C1QTNF5: variants seen among roughly 807,000 people sequenced by gnomAD.
The protein encoded by C1QTNF5 is complement C1q tumor necrosis factor-related protein 5.
In C1QTNF5, 5 loss-of-function variants were observed where a neutral mutation model predicts 10.9. The ratio of observed to expected loss-of-function variants is 0.46; its 90% confidence interval spans 0.24 to 0.97. The LOEUF (loss-of-function observed/expected upper bound fraction) is 0.97. Ranked by LOEUF, C1QTNF5 falls within the 50% of genes least tolerant of loss-of-function variation. C1QTNF5 has a pLI of 0.19. For synonymous variants in C1QTNF5, 161 were observed against 156.5 expected (o/e 1.03, Z -0.22); for missense variants, 281 against 339.4 (o/e 0.83, Z 1.35).
At chr11:119,346,039 T>C in the C1QTNF5 span, 1 of 1,611,174 alleles carries the variant, frequency 6.2e-7, no homozygotes, top group Non-Finnish European at 8.5e-7. Flanking sequence ...TGTCCCCGGG[T>C]ACTTACGGGC....
chr11:119,339,979 ACC>A lies in C1QTNF5; in HGVS notation c.215-133_215-132del. The A allele has an allele frequency of 7.7e-7, 1 of 1,307,130 alleles. No homozygotes were observed. The highest frequency in any genetic ancestry group is 1.0e-6 in the Non-Finnish European group (1 of 996,274). The allele number at this position is 1,307,130 out of a possible 1,614,324, so 81.0% of individuals were successfully genotyped here. A position where few individuals can be genotyped will look rare whatever the true frequency, so the allele number is the denominator to read the frequency against. ...GGCCAGCGCCTCCTCCCGCACGGGT[ACC>A]TCCTCCACCCCTTCCCGCAGGGCAG... is the stretch of plus-strand genomic sequence containing the variant. On this transcript the variant is annotated intron_variant, in intron 2 of 2. Coordinates refer to ENST00000528368, the MANE Select transcript of C1QTNF5 (RefSeq NM_001278431.2). The surrounding 1 kb of genome is among the most constrained non-coding windows in gnomAD (Gnocchi z 5.4).
rs902891544 is a variant in C1QTNF5, at chr11:119,340,694, C to A, written c.-44+1G>T. ...CCTTTCCCCTCCTCCGCCAGACTCA[C>A]CCCCCCTCCCGGCTCCCCGATGGCC... On this transcript the variant is annotated splice_donor_variant, in intron 1 of 2. Transcript: ENST00000528368. LOFTEE classifies it low-confidence loss of function (5UTR_SPLICE). 2.1e-5 allele frequency: 9 copies of A among 429,064 alleles called. 1 individual carries two copies. Among genetic ancestry groups the A allele is most frequent in the South Asian group, 5.5e-5 (2 of 36,528 alleles). 26.6% of individuals were successfully genotyped at this position (429,064 alleles called of 1,614,324 possible).
At chr11:119,346,061 C>T in the C1QTNF5 span, 1 of 1,610,292 alleles carries the variant, frequency 6.2e-7, no homozygotes, top group Non-Finnish European at 8.5e-7. Context: ...AGGATGATGG[C>T]CACCAGCAGC....
In C1QTNF5 at chr11:119,339,277, A is replaced by G; in HGVS notation, c.*54T>C. 6.4e-7 allele frequency: 1 copy of G among 1,571,800 alleles called. No homozygotes were observed. Among genetic ancestry groups the G allele is most frequent in the Non-Finnish European group, 8.6e-7 (1 of 1,156,472 alleles). ...AGCCCTCCTGGATGACCTGGTTGTC[A>G]GCCTCACACCCTCCTTCTAGGAGTG... On this transcript the variant is annotated 3_prime_UTR_variant, in exon 3 of 3. Coordinates refer to ENST00000528368, the MANE Select transcript of C1QTNF5 (RefSeq NM_001278431.2). The surrounding 1 kb of genome is among the most constrained non-coding windows in gnomAD (Gnocchi z 5.4).
At chr11:119,345,050 T>C (rs1195494775), upstream of C1QTNF5, 3 of 1,583,882 alleles carry the variant, frequency 1.9e-6, no homozygotes, top group Non-Finnish European at 2.6e-6. Flanking sequence ...AAGAGCAGGG[T>C]CAGCCAGAGA....
At chr11:119,346,052 G>A in the C1QTNF5 span, 3 of 1,610,954 alleles carry the variant, frequency 1.9e-6, no homozygotes, top group East Asian at 6.7e-5. Context: ...TTACGGGCCA[G>A]GATGATGGCC....
upstream of C1QTNF5, chr11:119,341,519 C>T: frequency 6.3e-7 from 1 of 1,585,428 alleles, no homozygotes. Context: ...AGAGGACGGG[C>T]AGGAAGAGGG....
chr11:119,344,455 C>T (rs10790289), upstream of C1QTNF5: 795,959 of 1,552,414 alleles, frequency 0.51, 206,370 homozygotes, highest in Admixed American at 0.7. Context: ...ATAGGGCTGG[C>T]GGTGATTACA....
chr11:119,346,230 G>T, the C1QTNF5 span: 2 of 1,572,906 alleles, frequency 1.3e-6, no homozygotes, highest in Non-Finnish European at 1.7e-6. Flanking sequence ...TTGGCTCCTG[G>T]GCCTCTCTGT....
upstream of C1QTNF5, chr11:119,343,818 G>A: frequency 6.2e-7 from 1 of 1,613,864 alleles, no homozygotes; most frequent in Non-Finnish European, 8.5e-7. Context: ...TCCTGTACCT[G>A]CCCAGGAGGC....
chr11:119,340,642 G>C, intron 1 of C1QTNF5, 53 bp downstream of exon 1: 1 of 544,152 alleles, frequency 1.8e-6, no homozygotes, highest in Non-Finnish European at 3.2e-6. Context: ...GCCCGCGCCA[G>C]CCTTTCCCAC....
At chr11:119,345,758 G>A, upstream of C1QTNF5, 1 of 1,613,348 alleles carries the variant, frequency 6.2e-7, no homozygotes. Flanking sequence ...CGGAAGATCT[G>A]CCCCCAGTAC....
rs1565290644 is a variant in C1QTNF5 at position 119,339,457 on chromosome 11, C to T, written c.606G>A (p.Glu202=). The part of the protein sequence containing the change: ...SGGAMVRLEP[E]DQVWVQVGVG... The stretch of plus-strand genomic sequence containing the variant: ...CACCCACCTGCACCCACACTTGGTC[C>T]TCAGGCTCCAGCCTCACCATGGCCC... Residue 202 remains glutamate (E), a synonymous_variant, in exon 3 of 3, where the codon GAG becomes GAA. Transcript: ENST00000528368. This position sits in a 1 kb window ranked among gnomAD's most constrained non-coding sequence, Gnocchi z 5.4. 1 of 1,614,118 alleles carries T rather than the reference C, an allele frequency of 6.2e-7. No individual in the cohort carries two copies. The highest frequency in any genetic ancestry group is 1.3e-5 in the African/African-American group (1 of 75,064).
chr11:119,346,230 G>A, the C1QTNF5 span: 1 of 1,572,906 alleles, frequency 6.4e-7, no homozygotes, highest in Non-Finnish European at 8.6e-7. Context: ...TTGGCTCCTG[G>A]GCCTCTCTGT....
upstream of C1QTNF5, chr11:119,345,086 T>G (rs1950546866): frequency 2.6e-6 from 4 of 1,529,700 alleles, no homozygotes; most frequent in Non-Finnish European, 3.5e-6. Flanking sequence ...CTTGCAGTCC[T>G]ATTTTCTCAA....
Position 119,340,809 on chromosome 11 carries a change from G to A in C1QTNF5, c.-158C>T, listed in dbSNP as rs923194456. On this transcript the variant is annotated 5_prime_UTR_variant, in exon 1 of 3. It adds an upstream start codon to the 5' untranslated region. Coordinates refer to ENST00000528368, the MANE Select transcript of C1QTNF5 (RefSeq NM_001278431.2). ...CCGGCCAGGCGCCCCCTGCCCTGCCGTCACCCCAGTCCTGGTTCGCTCCCT... is the reference window on the plus strand; with the variant it reads ...CCGGCCAGGCGCCCCCTGCCCTGCCATCACCCCAGTCCTGGTTCGCTCCCT... 2 of 248,410 alleles carry A rather than the reference G, an allele frequency of 8.1e-6. No homozygotes were observed. Among genetic ancestry groups the A allele is most frequent in the African/African-American group, 2.3e-5 (1 of 42,742 alleles). 15.4% of individuals were successfully genotyped at this position (248,410 alleles called of 1,614,324 possible). A position where few individuals can be genotyped will look rare whatever the true frequency, so the allele number is the denominator to read the frequency against.
chr11:119,344,940 C>T (rs147276252), upstream of C1QTNF5: 182 of 1,610,620 alleles, frequency 1.1e-4, no homozygotes, highest in Non-Finnish European at 1.4e-4. Flanking sequence ...CTGTCAGAGA[C>T]GAAGACCACC....
Position 119,340,298 on chromosome 11 carries a change from G to A in C1QTNF5, c.100C>T (p.Leu34Phe). Residue 34 changes from leucine to phenylalanine, a missense_variant, in exon 2 of 3, where the codon CTT becomes TTT. Leu to Phe is a conservative substitution (Grantham distance 22). Transcript: ENST00000528368. ...IPSLCPGHPG[L>F]PGTPGHHGSQ... is the part of the protein sequence containing the mutation. ...CCATGGTGGCCCGGCGTGCCTGGAAGGCCGGGGTGCCCCGGGCAGAGGCTG... is the reference window on the plus strand; with the variant it reads ...CCATGGTGGCCCGGCGTGCCTGGAAAGCCGGGGTGCCCCGGGCAGAGGCTG... The A allele has an allele frequency of 6.5e-7, 1 of 1,534,470 alleles. No individual in the cohort carries two copies. Among genetic ancestry groups the A allele is most frequent in the Non-Finnish European group, 8.8e-7 (1 of 1,141,954 alleles).
Position 119,339,663 on chromosome 11 carries a change from C to T in C1QTNF5, c.400G>A (p.Gly134Arg), listed in dbSNP as rs878943319. Reference protein sequence around the residue: ...PFDRVLVNEQGHYDAVTGKFT... With the variant: ...PFDRVLVNEQRHYDAVTGKFT... ...TTGCCGGTGACGGCGTCGTAATGTCCCTGCTCGTTCACCAGCACGCGGTCG... is the reference window on the plus strand; with the variant it reads ...TTGCCGGTGACGGCGTCGTAATGTCTCTGCTCGTTCACCAGCACGCGGTCG... Residue 134 changes from glycine to arginine, a missense_variant, in exon 3 of 3, where the codon GGA (glycine) becomes AGA (arginine). Physicochemically the swap from Gly to Arg is moderately radical, Grantham distance 125. Coordinates refer to ENST00000528368, the MANE Select transcript of C1QTNF5 (RefSeq NM_001278431.2). The surrounding 1 kb of genome is among the most constrained non-coding windows in gnomAD (Gnocchi z 5.4). The T allele has an allele frequency of 6.2e-7, 1 of 1,611,900 alleles. No individual in the cohort carries two copies.
Sources: allele counts gnomAD v4.1 joint callset, GRCh38; gene constraint gnomAD v4.1.1; non-coding constraint Gnocchi (gnomAD v3.1); transcripts MANE v1.5; gene names NCBI Gene and HGNC (gene_info 2026-07-23, HGNC 2026-07-21).